The following PXDNL variants were observed in gnomAD, a reference collection of about 807,000 sequenced individuals.
PXDNL encodes the protein peroxidasin like.
A neutral mutation model predicts 150.8 loss-of-function variants in PXDNL; 145 were observed. The ratio of observed to expected loss-of-function variants is 0.96; its 90% CI spans 0.84 to 1.10. The LOEUF (loss-of-function observed/expected upper bound fraction) is 1.10. Among genes scored for constraint, PXDNL ranks in the 50% least tolerant of loss-of-function variants. The pLI is 0.00. For missense variants in PXDNL, 2,087 were observed against 1,873.9 expected (o/e 1.11, Z -2.10); for synonymous variants, 757 against 725.7 (o/e 1.04, Z -0.69).
intron 2 of PXDNL, among the ~76,000 whole-genome samples, chr8:51,604,371 C>T (rs1270787011): frequency 2.6e-5 from 4 of 152,072 alleles, no homozygotes; most frequent in Non-Finnish European, 5.9e-5. Context: ...AAACTGGAAA[C>T]CATCATTCTC....
chr8:51,521,738 A>G (rs1480471972), intron 4 of PXDNL, among the ~76,000 whole-genome samples: 1 of 152,186 alleles, frequency 6.6e-6, no homozygotes, highest in East Asian at 1.9e-4. Flanking sequence ...ACAAAGAGAT[A>G]TCCTTGAAGT....
rs1380426618 is a variant in PXDNL at position 51,569,560 on chromosome 8, T to C, written c.309-12649A>G. ...ATAATTTAGTATTCAATATTATCCC[T>C]TCAAAAAGGATTAGGAATTTCTTCC... On this transcript the variant is annotated intron_variant, in intron 3 of 22. Coordinates refer to ENST00000356297, the MANE Select transcript of PXDNL (RefSeq NM_144651.5). 2.0e-5 allele frequency among the ~76,000 whole-genome samples: 3 copies of C among 151,992 alleles called. No homozygotes were observed. The East Asian group carries it at 5.8e-4, about 29-fold the overall frequency.
rs528933787 is a variant in PXDNL at position 51,517,929 on chromosome 8, G to A, written c.381-18159C>T. On this transcript the variant is annotated intron_variant, in intron 4 of 22. Transcript: ENST00000356297. Reference sequence around the variant, plus strand: ...AGTTGGGTGTAAAATCAAATGAAACGTACTTTTCGGTGTGATTAATGCTGA... The same window carrying A: ...AGTTGGGTGTAAAATCAAATGAAACATACTTTTCGGTGTGATTAATGCTGA... Among the ~76,000 whole-genome samples the A allele has an allele frequency of 9.9e-5, 15 of 152,246 alleles. No homozygotes were observed. The South Asian group carries it at 2.9e-3, about 30-fold the overall frequency.
intron 4 of PXDNL, among the ~76,000 whole-genome samples, chr8:51,530,736 G>A (rs1161279201): frequency 6.6e-6 from 1 of 151,804 alleles, no homozygotes; most frequent in Admixed American, 6.6e-5. Context: ...CTCCCTCCAG[G>A]CCTCAGTCCT....
chr8:51,661,609 C>G (rs1815270894), intron 1 of PXDNL, among the ~76,000 whole-genome samples: 1 of 152,182 alleles, frequency 6.6e-6, no homozygotes, highest in Non-Finnish European at 1.5e-5. Context: ...AGCCTGCCGG[C>G]TGCCCTGAAG....
intron 4 of PXDNL, among the ~76,000 whole-genome samples, chr8:51,508,437 T>C (rs1368058394): frequency 1.3e-5 from 2 of 152,206 alleles, no homozygotes; most frequent in Admixed American, 6.5e-5. Flanking sequence ...CCCTAGTGGA[T>C]TTTCAGCAGC....
At chr8:51,767,861 C>T (rs920199760) in intron 1 of PXDNL, among the ~76,000 whole-genome samples, 2 of 152,118 alleles carry the variant, frequency 1.3e-5, no homozygotes, top group Non-Finnish European at 2.9e-5. Flanking sequence ...CAACCAAAGC[C>T]CTGAGGATAA....
chr8:51,423,070 T>C (rs1172146826), intron 14 of PXDNL, among the ~76,000 whole-genome samples: 1 of 152,238 alleles, frequency 6.6e-6, no homozygotes, highest in Non-Finnish European at 1.5e-5. Flanking sequence ...AGATTGGTGA[T>C]AGAATGTAAA....
chr8:51,652,198 A>T (rs116302337), intron 2 of PXDNL, among the ~76,000 whole-genome samples: 1 of 152,114 alleles, frequency 6.6e-6, no homozygotes, highest in African/African-American at 2.4e-5. Flanking sequence ...TATGGTCAAA[A>T]TTTTTAATAT....
At chr8:51,492,408 C>T (rs1323968624) in intron 5 of PXDNL, among the ~76,000 whole-genome samples, 1 of 152,118 alleles carries the variant, frequency 6.6e-6, no homozygotes, top group African/African-American at 2.4e-5. Flanking sequence ...CCGGGTTCAT[C>T]TCACTGGAGA....
At chr8:51,395,736 G>A (rs1808061581) in intron 17 of PXDNL, among the ~76,000 whole-genome samples, 1 of 152,178 alleles carries the variant, frequency 6.6e-6, no homozygotes, top group African/African-American at 2.4e-5. Context: ...TAGAAAAACA[G>A]GAAATAAATG....
chr8:51,623,837 T>C (rs1410617043), intron 2 of PXDNL, among the ~76,000 whole-genome samples: 1 of 152,172 alleles, frequency 6.6e-6, no homozygotes, highest in Admixed American at 6.5e-5. Flanking sequence ...CTCACACTTA[T>C]AATCCCAGCA....
intron 1 of PXDNL, among the ~76,000 whole-genome samples, chr8:51,700,308 C>T (rs1414202870): frequency 6.6e-6 from 1 of 151,834 alleles, no homozygotes; most frequent in Non-Finnish European, 1.5e-5. Flanking sequence ...CACATGTATA[C>T]ACACATACAA....
chr8:51,653,671 A>C (rs1815088412), intron 2 of PXDNL, among the ~76,000 whole-genome samples: 1 of 152,208 alleles, frequency 6.6e-6, no homozygotes, highest in Admixed American at 6.5e-5. Flanking sequence ...TTCCGGCATC[A>C]GTTACTGGAA....
In PXDNL at chr8:51,544,724, A is replaced by G. The variant is rs552861197; in HGVS notation, c.380+12116T>C. ...AAGGCTATGTCATGAAGCCAACAGG[A>G]AAATCAAAAAGTGTATTTTTATACT... On this transcript the variant is annotated intron_variant, in intron 4 of 22. Coordinates refer to ENST00000356297, the MANE Select transcript of PXDNL (RefSeq NM_144651.5). Among the ~76,000 whole-genome samples the G allele has an allele frequency of 1.4e-4, 22 of 152,324 alleles. No individual in the cohort carries two copies. In the South Asian group the frequency reaches 3.3e-3, roughly 23 times the overall value.
intron 19 of PXDNL, among the ~76,000 whole-genome samples, chr8:51,354,444 T>G (rs1806443892): frequency 6.6e-6 from 1 of 152,080 alleles, no homozygotes; most frequent in African/African-American, 2.4e-5. Flanking sequence ...ACACTCTTGA[T>G]CCTACTGATT....
chr8:51,774,584 T>G (rs1435188448), intron 1 of PXDNL, among the ~76,000 whole-genome samples: 1 of 152,106 alleles, frequency 6.6e-6, no homozygotes, highest in Non-Finnish European at 1.5e-5. Flanking sequence ...TTTGGGAGGC[T>G]GAGGCGGGTG....
chr8:51,624,099 CAAAAAAAAAA>C (rs59841822), intron 2 of PXDNL, among the ~76,000 whole-genome samples: 13 of 79,618 alleles, frequency 1.6e-4, no homozygotes, highest in East Asian at 8.8e-4. Context: ...TCTCAAATTA[CAAAAAAAAAA>C]AAAAAAAAAA....
intron 5 of PXDNL, among the ~76,000 whole-genome samples, chr8:51,487,086 C>A (rs541981710): frequency 6.6e-6 from 1 of 151,812 alleles, no homozygotes; most frequent in Non-Finnish European, 1.5e-5. Context: ...AGCCACCGCA[C>A]CCGGCCGAAA....
Sources: gnomAD v4.1 joint callset for allele counts (sites outside exome capture counted in the v4.1 genomes callset) on GRCh38, gnomAD v4.1.1 for gene constraint, MANE v1.5 for transcripts, NCBI Gene and HGNC (gene_info 2026-07-23, HGNC 2026-07-21) for gene names.